Variants in CYP27C1 observed in about 807,000 individuals in gnomAD.
CYP27C1 encodes cytochrome P450 27C1.
CYP27C1 carries 29 observed loss-of-function variants against 40.6 expected under a neutral mutation model. That is an observed-to-expected ratio of 0.71 (90% CI 0.53 to 0.97). The LOEUF is 0.97. CYP27C1 is among the 50% of genes least tolerant of loss of function. CYP27C1 has a pLI of 0.00. For synonymous variants in CYP27C1, 198 were observed against 186.8 expected, an observed-to-expected ratio of 1.06 and a Z score of -0.49; for missense variants, 390 against 485.8, an observed-to-expected ratio of 0.80 and a Z score of 1.85.
intron 2 of CYP27C1, among the ~76,000 whole-genome samples, chr2:127,204,472 GAA>G (rs1558930986): frequency 2.9e-5 from 2 of 68,756 alleles, no homozygotes; most frequent in Non-Finnish European, 5.9e-5. Flanking sequence ...AAGAAAGAAA[GAA>G]AGAAAGAAAG....
Position 127,218,689 on chromosome 2 carries a change from G to A in CYP27C1, c.282+1300C>T, listed in dbSNP as rs992389590. 6.6e-6 allele frequency among the ~76,000 whole-genome samples: 1 copy of A among 152,216 alleles called. No homozygotes were observed. The highest frequency in any genetic ancestry group is 1.5e-5 in the Non-Finnish European group (1 of 68,042). On this transcript the variant is annotated intron_variant, in intron 1 of 8. Coordinates refer to ENST00000664447, the MANE Select transcript of CYP27C1 (RefSeq NM_001367502.1). This position sits in a 1 kb window ranked among gnomAD's most constrained non-coding sequence, Gnocchi z 6.0. ...TGACTGAAGCCCAGGTGGGTAGTTA[G>A]AAGAGGCTTCGATGGAGAAGGGTCT...
At position 127,201,512 on chromosome 2, in the gene CYP27C1, G is replaced by A. The variant is rs1683035157; in HGVS notation, c.674-181C>T. Among the ~76,000 whole-genome samples the A allele has an allele frequency of 6.6e-6, 1 of 152,162 alleles. No individual in the cohort carries two copies. On this transcript the variant is annotated intron_variant, in intron 3 of 8. Coordinates refer to ENST00000664447, the MANE Select transcript of CYP27C1 (RefSeq NM_001367502.1). This position sits in a 1 kb window ranked among gnomAD's most constrained non-coding sequence, Gnocchi z 6.0. The stretch of plus-strand genomic sequence containing the variant: ...GGGTGCTGGCATTTAGGGCTGACAG[G>A]TGGTGCTGTTGCTGCTTCACCTAAG...
intron 3 of CYP27C1, 110 bp downstream of exon 3, chr2:127,203,261 TC>T: frequency 8.0e-7 from 1 of 1,254,996 alleles, no homozygotes; most frequent in Non-Finnish European, 1.1e-6. Context: ...TGCATGTATG[TC>T]CCAGACTTAG....
Position 127,186,387 on chromosome 2 carries a change from T to C in CYP27C1, c.*884A>G, listed in dbSNP as rs1682625530. ...ATACAGCCATTTTATTTTATTTTAT[T>C]TTATTTTATTTTATTTTATTTTATT... On this transcript the variant is annotated 3_prime_UTR_variant, in exon 9 of 9. Transcript: ENST00000664447. The surrounding 1 kb of genome is among the most constrained non-coding windows in gnomAD (Gnocchi z 4.5). 6.6e-6 allele frequency: 1 copy of C among 150,912 alleles called. No individual in the cohort carries two copies. Among genetic ancestry groups the C allele is most frequent in the African/African-American group, 2.4e-5 (1 of 41,016 alleles). 9.3% of individuals were successfully genotyped at this position (150,912 alleles called of 1,614,324 possible). A position where few individuals can be genotyped will look rare whatever the true frequency, so the allele number is the denominator to read the frequency against.
intron 2 of CYP27C1, among the ~76,000 whole-genome samples, chr2:127,204,320 AGGAG>A (rs1222549053): frequency 6.9e-4 from 29 of 41,966 alleles, no homozygotes; most frequent in Non-Finnish European, 7.8e-4. Context: ...GAAGGAAGGA[AGGAG>A]GGAGGGAGGG....
intron 2 of CYP27C1, among the ~76,000 whole-genome samples, chr2:127,205,413 A>T (rs1458983321): frequency 6.6e-6 from 1 of 152,200 alleles, no homozygotes; most frequent in East Asian, 1.9e-4. Context: ...GATCTCTTGG[A>T]AGGCACAGAG....
Position 127,204,440 on chromosome 2 carries a change from AAAAGAAAGAAAGAAAG to A in CYP27C1, c.474-885_474-870del, listed in dbSNP as rs59482629. 9.7e-4 allele frequency among the ~76,000 whole-genome samples: 40 copies of A among 41,326 alleles called. 1 individual carries two copies. The highest frequency in any genetic ancestry group is 8.8e-3 in the East Asian group (4 of 456). 27.1% of individuals were successfully genotyped at this position (41,326 alleles called of 152,430 possible). On this transcript the variant is annotated intron_variant, in intron 2 of 8. Coordinates refer to ENST00000664447, the MANE Select transcript of CYP27C1 (RefSeq NM_001367502.1). ...AAGAAAGAGAGAAAGGAAAGAAAGA[AAAAGAAAGAAAGAAAG>A]AAAGAAAGAAAGAAAGAAAGAAAGA...
At chr2:127,205,725 G>T in intron 2 of CYP27C1, 175 bp downstream of exon 2, 1 of 985,542 alleles carries the variant, frequency 1.0e-6, no homozygotes, top group Non-Finnish European at 1.2e-6. Context: ...GAGCCAGAAA[G>T]CCCAGCAGGG....
chr2:127,204,527 A>G (rs1292797890), intron 2 of CYP27C1, among the ~76,000 whole-genome samples: 643 of 43,852 alleles, frequency 0.015, 33 homozygotes, highest in East Asian at 0.05. Context: ...GAAAGAAAGA[A>G]AGAAAGAAAG....
At position 127,186,384 on chromosome 2, in the gene CYP27C1, T is replaced by C. The variant is rs1341664715; in HGVS notation, c.*887A>G. On this transcript the variant is annotated 3_prime_UTR_variant, in exon 9 of 9. Transcript: ENST00000664447. The surrounding 1 kb of genome is among the most constrained non-coding windows in gnomAD (Gnocchi z 4.5). ...CTTATACAGCCATTTTATTTTATTT[T>C]ATTTTATTTTATTTTATTTTATTTT... 6.7e-6 allele frequency: 1 copy of C among 148,886 alleles called. No individual in the cohort carries two copies. Among genetic ancestry groups the C allele is most frequent in the Non-Finnish European group, 1.5e-5 (1 of 67,716 alleles). The allele number at this position is 148,886 out of a possible 1,614,324, so 9.2% of individuals were successfully genotyped here.
At position 127,199,488 on chromosome 2, in the gene CYP27C1, C is replaced by T. The variant is rs1417844951; in HGVS notation, c.935G>A (p.Arg312Gln). Residue 312 changes from arginine to glutamine, a missense_variant, in exon 5 of 9, where the codon CGA (arginine) becomes CAA (glutamine). Coordinates refer to ENST00000664447, the MANE Select transcript of CYP27C1 (RefSeq NM_001367502.1). ...AAGTCCCCCGCTCACCCTCCGGCCT[C>T]GGTCCATTTGGTACTGTATGTCCCT... Reference protein sequence around the residue: ...KLRDIQYQMDRGRRVSGGLLT... With the variant: ...KLRDIQYQMDQGRRVSGGLLT... 14 of 1,614,084 alleles carry T rather than the reference C, an allele frequency of 8.7e-6. No homozygotes were observed. The highest frequency in any genetic ancestry group is 4.5e-5 in the East Asian group (2 of 44,896).
chr2:127,192,326 G>A (rs1335609580), intron 8 of CYP27C1, among the ~76,000 whole-genome samples: 3 of 152,198 alleles, frequency 2.0e-5, no homozygotes, highest in African/African-American at 4.8e-5. Context: ...AAGGTTTCCC[G>A]TCGCTGAAAC....
rs566041624 is a variant in CYP27C1, at chr2:127,195,598, C to T, written c.1048-97G>A. The T allele has an allele frequency of 6.9e-6, 9 of 1,296,576 alleles. No homozygotes were observed. Among genetic ancestry groups the T allele is most frequent in the East Asian group, 2.5e-5 (1 of 40,456 alleles). 80.3% of individuals were successfully genotyped at this position (1,296,576 alleles called of 1,614,324 possible). A position where few individuals can be genotyped will look rare whatever the true frequency, so the allele number is the denominator to read the frequency against. Reference sequence around the variant, plus strand: ...GTAGGAAGTCCCCTGGGAATACACACAGCACAAAGTCAAACTCATCCAATT... The same window carrying T: ...GTAGGAAGTCCCCTGGGAATACACATAGCACAAAGTCAAACTCATCCAATT... On this transcript the variant is annotated intron_variant, in intron 5 of 8. Coordinates refer to ENST00000664447, the MANE Select transcript of CYP27C1 (RefSeq NM_001367502.1). This position sits in a 1 kb window ranked among gnomAD's most constrained non-coding sequence, Gnocchi z 6.2.
rs1299268484 is a variant in CYP27C1 at position 127,201,223 on chromosome 2, T to C, written c.782A>G (p.Lys261Arg). The C allele has an allele frequency of 1.1e-5, 17 of 1,614,188 alleles. No individual in the cohort carries two copies. The highest frequency in any genetic ancestry group is 1.3e-5 in the African/African-American group (1 of 75,044). ...EALELMFSMFKTSMYAGAIPR... is the reference protein window; with the variant it reads ...EALELMFSMFRTSMYAGAIPR... The stretch of plus-strand genomic sequence containing the variant: ...GATGGCGCCTGCATACATGGAGGTC[T>C]TGAACATGCTAAACATGAGCTCCAG... The change falls in exon 4 of 9, where the codon AAG (lysine) becomes AGG (arginine). Residue 261 changes from lysine to arginine, a missense_variant. By Grantham distance (26) the Lys-to-Arg change is conservative. Transcript: ENST00000664447. This position sits in a 1 kb window ranked among gnomAD's most constrained non-coding sequence, Gnocchi z 6.0.
chr2:127,215,198 T>C (rs1683409216), intron 1 of CYP27C1, among the ~76,000 whole-genome samples: 1 of 151,910 alleles, frequency 6.6e-6, no homozygotes, highest in Non-Finnish European at 1.5e-5. Flanking sequence ...GCATAATCAT[T>C]GGCTTAGATT....
intron 2 of CYP27C1, among the ~76,000 whole-genome samples, chr2:127,204,618 AAAGAAAG>A (rs1411113569): frequency 0.029 from 3,060 of 106,570 alleles, 249 homozygotes; most frequent in Admixed American, 0.042. Flanking sequence ...AGAAAGAAAG[AAAGAAAG>A]AAGACTGCAG....
rs1451879289 is a variant in CYP27C1, at chr2:127,184,124, A to G, written c.*3147T>C. On this transcript the variant is annotated 3_prime_UTR_variant, in exon 9 of 9. Transcript: ENST00000664447. ...GAGATAAAGTCTCTTTTTTTAAAAC[A>G]TAACTACCATTATCACAACAAAAAA... 3 of 152,214 alleles carry G rather than the reference A, an allele frequency of 2.0e-5. No individual in the cohort carries two copies. The highest frequency in any genetic ancestry group is 1.9e-4 in the East Asian group (1 of 5,200). The allele number at this position is 152,214 out of a possible 1,614,324, so 9.4% of individuals were successfully genotyped here. A position where few individuals can be genotyped will look rare whatever the true frequency, so the allele number is the denominator to read the frequency against.
In CYP27C1 at chr2:127,187,049, C is replaced by T; in HGVS notation, c.*222G>A. ...CACTGGTTTTTAAACAGCTGTTTCC[C>T]CCAAAGAAAGGGCAACTTCTGGTAT... On this transcript the variant is annotated 3_prime_UTR_variant, in exon 9 of 9. Transcript: ENST00000664447. 1 of 497,838 alleles carries T rather than the reference C, an allele frequency of 2.0e-6. No homozygotes were observed. The highest frequency in any genetic ancestry group is 3.6e-6 in the Non-Finnish European group (1 of 277,126). The allele number at this position is 497,838 out of a possible 1,614,324, so 30.8% of individuals were successfully genotyped here.
At chr2:127,193,681 G>C (rs1189254767) in intron 7 of CYP27C1, 108 bp downstream of exon 7, 2 of 1,190,852 alleles carry the variant, frequency 1.7e-6, no homozygotes, top group African/African-American at 1.5e-5. Context: ...AAAAGAAAAG[G>C]AAACCTATTG....
Sources: gnomAD v4.1 joint callset for allele counts (sites outside exome capture counted in the v4.1 genomes callset) on GRCh38, gnomAD v4.1.1 for gene constraint, Gnocchi (gnomAD v3.1) non-coding constraint, MANE v1.5 for transcripts, NCBI Gene and HGNC (gene_info 2026-07-23, HGNC 2026-07-21) for gene names.